DLGAP2: variants seen among roughly 807,000 people sequenced by gnomAD.
The protein encoded by DLGAP2 is disks large-associated protein 2.
Under a neutral mutation model 100.3 loss-of-function variants are expected in DLGAP2, and 26 were observed. The ratio of observed to expected loss-of-function variants is 0.26; its 90% CI spans 0.19 to 0.36. DLGAP2 has a LOEUF of 0.36. Among genes scored for constraint, DLGAP2 ranks in the 10% least tolerant of loss-of-function variants. DLGAP2 has a pLI of 1.00. For synonymous variants in DLGAP2, 886 were observed against 630.1 expected (o/e 1.41, Z -6.08); for missense variants, 1,858 against 1,453.2 (o/e 1.28, Z -4.53).
intron 6 of DLGAP2, among the ~76,000 whole-genome samples, chr8:1,626,266 G>A (rs1180460635): frequency 1.7e-5 from 2 of 119,566 alleles, no homozygotes; most frequent in African/African-American, 3.5e-5. Context: ...CACCCTCTGG[G>A]TGTGGGTTGG....
intron 3 of DLGAP2, among the ~76,000 whole-genome samples, chr8:1,464,395 T>C (rs1479346673): frequency 0.014 from 478 of 33,442 alleles, 18 homozygotes; most frequent in East Asian, 0.083. Flanking sequence ...CCTTCCGGAA[T>C]GGCATCCTTC....
At chr8:1,447,120 C>A (rs1173041102) in intron 3 of DLGAP2, among the ~76,000 whole-genome samples, 1 of 152,182 alleles carries the variant, frequency 6.6e-6, no homozygotes, top group Non-Finnish European at 1.5e-5. Context: ...CCAGAACTTC[C>A]AGCACTAGGT....
chr8:1,192,102 T>C (rs370754999), intron 2 of DLGAP2, among the ~76,000 whole-genome samples: 4 of 152,090 alleles, frequency 2.6e-5, no homozygotes, highest in East Asian at 3.9e-4. Flanking sequence ...CCCCTGCACT[T>C]TCTAGATGGC....
intron 2 of DLGAP2, among the ~76,000 whole-genome samples, chr8:995,987 C>A (rs7844503): frequency 0.044 from 6,682 of 152,222 alleles, 302 homozygotes; most frequent in Admixed American, 0.14. Context: ...AACATCCCTC[C>A]CTTTTCCATG....
intron 2 of DLGAP2, among the ~76,000 whole-genome samples, chr8:1,085,045 A>C (rs1022006343): frequency 1.3e-5 from 2 of 152,198 alleles, no homozygotes; most frequent in African/African-American, 4.8e-5. Flanking sequence ...TGTCTTTTGG[A>C]TAATAGCCAT....
chr8:1,046,048 C>T (rs534116901), intron 2 of DLGAP2, among the ~76,000 whole-genome samples: 92 of 152,164 alleles, frequency 6.0e-4, no homozygotes, highest in Middle Eastern at 6.8e-3. Context: ...TCAATTTTGT[C>T]GAAGATTTTT....
intron 1 of DLGAP2, among the ~76,000 whole-genome samples, chr8:745,418 G>T (rs1358518585): frequency 6.6e-6 from 1 of 152,116 alleles, no homozygotes; most frequent in Non-Finnish European, 1.5e-5. Context: ...ATTTTTGTTG[G>T]TGAAACTTGA....
At chr8:1,145,316 C>T (rs1796587795) in intron 2 of DLGAP2, among the ~76,000 whole-genome samples, 1 of 152,186 alleles carries the variant, frequency 6.6e-6, no homozygotes, top group Non-Finnish European at 1.5e-5. Context: ...TAATCCCCTC[C>T]CATGAGTTAT....
intron 4 of DLGAP2, among the ~76,000 whole-genome samples, chr8:1,548,281 G>A (rs1399026152): frequency 6.6e-6 from 1 of 151,710 alleles, no homozygotes; most frequent in African/African-American, 2.4e-5. Flanking sequence ...CCAACATGGC[G>A]AAACCTCGTC....
At chr8:988,659 C>T (rs188249817) in intron 2 of DLGAP2, among the ~76,000 whole-genome samples, 142 of 152,246 alleles carry the variant, frequency 9.3e-4, no homozygotes, top group African/African-American at 3.0e-3. Flanking sequence ...GCCTCCTGGC[C>T]GTGATTTGCC....
At chr8:1,691,710 G>A (rs988486144) in intron 13 of DLGAP2, 84 bp downstream of exon 13, 4 of 1,192,826 alleles carry the variant, frequency 3.4e-6, no homozygotes, top group Admixed American at 4.0e-5. Flanking sequence ...TTTCTTCCTT[G>A]TCAAAGAGTT....
intron 3 of DLGAP2, among the ~76,000 whole-genome samples, chr8:1,477,597 C>T (rs1013493034): frequency 1.3e-5 from 2 of 152,210 alleles, no homozygotes; most frequent in African/African-American, 4.8e-5. Flanking sequence ...CCTAATTCCT[C>T]ACAGCTCACC....
At chr8:1,646,381 T>A (rs551328212) in intron 8 of DLGAP2, among the ~76,000 whole-genome samples, 139 of 152,318 alleles carry the variant, frequency 9.1e-4, no homozygotes, top group Non-Finnish European at 1.6e-3. Flanking sequence ...CACCTGTGTC[T>A]CTATTGTCTG....
At chr8:915,761 C>T (rs1798579159) in intron 2 of DLGAP2, among the ~76,000 whole-genome samples, 1 of 152,022 alleles carries the variant, frequency 6.6e-6, no homozygotes, top group Non-Finnish European at 1.5e-5. Flanking sequence ...ACCCGTCTGT[C>T]CATCTGTCCC....
intron 4 of DLGAP2, among the ~76,000 whole-genome samples, chr8:1,503,528 C>A (rs567459467): frequency 3.3e-5 from 5 of 152,220 alleles, no homozygotes; most frequent in Non-Finnish European, 5.9e-5. Context: ...CGTGGACAGA[C>A]CCCGGGTCGC....
At chr8:1,434,570 G>A (rs997373992) in intron 3 of DLGAP2, among the ~76,000 whole-genome samples, 1 of 152,050 alleles carries the variant, frequency 6.6e-6, no homozygotes, top group Admixed American at 6.5e-5. Flanking sequence ...TCAACCTCCT[G>A]GGCTCAAGCA....
intron 2 of DLGAP2, among the ~76,000 whole-genome samples, chr8:1,243,896 C>CTG (rs1417242383): frequency 6.6e-6 from 1 of 152,248 alleles, no homozygotes; most frequent in East Asian, 1.9e-4. Context: ...GCCTCAGCAT[C>CTG]TGTTCTCTTA....
intron 2 of DLGAP2, among the ~76,000 whole-genome samples, chr8:1,200,268 C>T (rs1797842009): frequency 6.6e-6 from 1 of 152,222 alleles, no homozygotes; most frequent in Non-Finnish European, 1.5e-5. Flanking sequence ...ATCGAGGCTT[C>T]ATGCGCCGTC....
At chr8:1,237,318 T>TTGTGTCTAGTTCTCTCACATGGTGC (rs1798682882) in intron 2 of DLGAP2, among the ~76,000 whole-genome samples, 1 of 113,278 alleles carries the variant, frequency 8.8e-6, no homozygotes, top group Admixed American at 8.4e-5. Context: ...ACACAGAGCA[T>TTGTGTCTAGTTCTCTCACATGGTGC]CGTGTCTAGT....
Sources: allele counts gnomAD v4.1 joint callset (sites outside exome capture counted in the v4.1 genomes callset), GRCh38; gene constraint gnomAD v4.1.1; transcripts MANE v1.5; gene names NCBI Gene and HGNC (gene_info 2026-07-23, HGNC 2026-07-21).